Variants in DEPDC1 observed in about 807,000 individuals in gnomAD.
DEPDC1 encodes DEP domain containing 1, also known as DEP domain-containing protein 1A.
Under a neutral mutation model 86.8 loss-of-function variants are expected in DEPDC1, and 66 were observed. That is an observed-to-expected ratio of 0.76 (90% CI 0.62 to 0.93). The LOEUF (loss-of-function observed/expected upper bound fraction) is 0.93, where lower values mean the gene tolerates loss of function less well. Among genes scored for constraint, DEPDC1 ranks in the 40% least tolerant of loss-of-function variants. The pLI is 0.00. For synonymous variants in DEPDC1, 255 were observed against 314.9 expected (o/e 0.81, Z 2.02); for missense variants, 792 against 935.7 (o/e 0.85, Z 2.00).
intron 11 of DEPDC1, 43 bp downstream of exon 11, chr1:68,477,744 T>C: frequency 7.9e-7 from 1 of 1,258,544 alleles, no homozygotes; most frequent in Non-Finnish European, 1.1e-6. Flanking sequence ...GAACAGCACA[T>C]TAGAAAATGT....
intron 1 of DEPDC1, 88 bp from the exon 2 acceptor site, chr1:68,494,783 T>C (rs780026657): frequency 3.9e-6 from 4 of 1,031,706 alleles, no homozygotes; most frequent in Non-Finnish European, 5.6e-6. Flanking sequence ...AGAAAATTCT[T>C]TAATTCACAT....
chr1:68,479,231 TAAGA>T lies in DEPDC1; in HGVS notation c.2021_2024del (p.Phe674Ter), dbSNP rs1425637913. ...GAAGAATTTCCTGATGATGATCCAT[TAAGA>T]AAGAAACTAATCTTCCAGCAAGAAG... On this transcript the variant is annotated frameshift_variant, in exon 10 of 12. Transcript: ENST00000456315. LOFTEE classifies it high-confidence loss of function. 3 of 1,612,554 alleles carry T rather than the reference TAAGA, an allele frequency of 1.9e-6. No homozygotes were observed. Among genetic ancestry groups the T allele is most frequent in the African/African-American group, 1.3e-5 (1 of 74,910 alleles).
chr1:68,482,310 C>A lies in DEPDC1; in HGVS notation c.1498G>T (p.Gly500Trp), dbSNP rs765176160. The part of the protein sequence containing the change: ...TVQDQEELCN[G>W]KCKSKQLCRS... ...CAAAGCTGTTTTGACTTGCATTTCC[C>A]ATTACACAACTCCTCTTGGTCTTGA... is the stretch of plus-strand genomic sequence containing the variant. The change falls in exon 8 of 12, where the codon GGG (glycine) becomes TGG (tryptophan). Residue 500 changes from glycine to tryptophan, a missense_variant. Coordinates refer to ENST00000456315, the MANE Select transcript of DEPDC1 (RefSeq NM_001114120.3). The A allele has an allele frequency of 6.2e-7, 1 of 1,612,750 alleles. No homozygotes were observed. Among genetic ancestry groups the A allele is most frequent in the Non-Finnish European group, 8.5e-7 (1 of 1,179,294 alleles).
In DEPDC1 at chr1:68,494,497, G is replaced by T. The variant is rs960930895; in HGVS notation, c.247C>A (p.His83Asn). 6.2e-7 allele frequency: 1 copy of T among 1,613,508 alleles called. No individual in the cohort carries two copies. Among genetic ancestry groups the T allele is most frequent in the Non-Finnish European group, 8.5e-7 (1 of 1,179,714 alleles). Reference sequence around the variant, plus strand: ...CTCCCTTTGATATCTTCAATTACATGATTCTTAAGAAATTTCCTCAACAGT... The same window carrying T: ...CTCCCTTTGATATCTTCAATTACATTATTCTTAAGAAATTTCCTCAACAGT... ...IQLLRKFLKN[H>N]VIEDIKGRWG... Residue 83 changes from histidine (H) to asparagine (N), a missense_variant, in exon 2 of 12, where the codon CAT becomes AAT. Physicochemically the swap from His to Asn is moderately conservative, Grantham distance 68. Coordinates refer to ENST00000456315, the MANE Select transcript of DEPDC1 (RefSeq NM_001114120.3).
At chr1:68,491,520 G>T (rs1225686187) in intron 2 of DEPDC1, among the ~76,000 whole-genome samples, 1 of 152,146 alleles carries the variant, frequency 6.6e-6, no homozygotes, top group Non-Finnish European at 1.5e-5. Context: ...AATAACAGGT[G>T]CTGGCAAGGT....
intron 6 of DEPDC1, among the ~76,000 whole-genome samples, chr1:68,486,142 C>G (rs1026379260): frequency 6.6e-6 from 1 of 151,958 alleles, no homozygotes; most frequent in Admixed American, 6.6e-5. Context: ...CTGTCCTCAC[C>G]CAAATCTCAT....
In DEPDC1 at chr1:68,488,389, G is replaced by A. The variant is rs1393192147; in HGVS notation, c.706C>T (p.Leu236=). The change falls in exon 5 of 12, where the codon CTA becomes TTA. Residue 236 remains leucine (L), a synonymous_variant. Coordinates refer to ENST00000456315, the MANE Select transcript of DEPDC1 (RefSeq NM_001114120.3). ...TAATACCAACCTGATTTGTTTTGTA[G>A]TATAACTACTCCACGTTTACTTGTA... ...ANTSKRGVVI[L]QNKSDDLPHW... 4 of 1,587,388 alleles carry A rather than the reference G, an allele frequency of 2.5e-6. No individual in the cohort carries two copies. The South Asian group carries it at 3.5e-5, about 14-fold the overall frequency.
intron 10 of DEPDC1, among the ~76,000 whole-genome samples, chr1:68,478,449 T>C (rs970515547): frequency 1.0e-4 from 10 of 95,288 alleles, no homozygotes; most frequent in Non-Finnish European, 1.9e-4. Context: ...TTCATGTATT[T>C]TTTTTTTTTT....
chr1:68,488,478 G>A lies in DEPDC1; in HGVS notation c.617C>T (p.Ser206Phe). The A allele has an allele frequency of 6.2e-7, 1 of 1,605,122 alleles. No homozygotes were observed. Among genetic ancestry groups the A allele is most frequent in the African/African-American group, 1.3e-5 (1 of 74,582 alleles). Residue 206 changes from serine to phenylalanine, a missense_variant, in exon 5 of 12, where the codon TCC (serine) becomes TTC (phenylalanine). Ser to Phe is a radical substitution (Grantham distance 155, BLOSUM62 -2). Coordinates refer to ENST00000456315, the MANE Select transcript of DEPDC1 (RefSeq NM_001114120.3). ...IYLQTILGVP[S>F]LEEVINPKQV... ...TTTTGGATTTATGACTTCTTCTAGG[G>A]ATGGCACACCTAAAATGGTTTGCAG...
chr1:68,479,184 G>A lies in DEPDC1; in HGVS notation c.2072C>T (p.Thr691Ile), dbSNP rs767988202. The part of the protein sequence containing the change: ...EILQVPSYLQ[T>I]AVEKHLDYLK... ...GTAGTCAAGATGTTTTTCCACTGCA[G>A]TCTGTAAGTAAGAGGGTACTTGAAG... Residue 691 changes from threonine to isoleucine, a missense_variant, in exon 10 of 12, where the codon ACT becomes ATT. Physicochemically the swap from Thr to Ile is moderately conservative, Grantham distance 89. Coordinates refer to ENST00000456315, the MANE Select transcript of DEPDC1 (RefSeq NM_001114120.3). The A allele has an allele frequency of 8.1e-6, 13 of 1,611,006 alleles. No individual in the cohort carries two copies. Among genetic ancestry groups the A allele is most frequent in the African/African-American group, 2.7e-5 (2 of 74,698 alleles).
At chr1:68,493,114 A>G (rs1332189616) in intron 2 of DEPDC1, among the ~76,000 whole-genome samples, 1 of 152,144 alleles carries the variant, frequency 6.6e-6, no homozygotes, top group Non-Finnish European at 1.5e-5. Flanking sequence ...AAGATGGGAG[A>G]GTTAAAGGAT....
At chr1:68,483,815 A>G (rs765043790) in intron 7 of DEPDC1, 135 bp downstream of exon 7, 2 of 605,694 alleles carry the variant, frequency 3.3e-6, no homozygotes, top group Non-Finnish European at 5.2e-6. Flanking sequence ...TAACCTCGGA[A>G]CCTTATTTCA....
intron 6 of DEPDC1, 100 bp from the exon 7 acceptor site, chr1:68,484,190 A>G: frequency 1.1e-6 from 1 of 894,726 alleles, no homozygotes. Flanking sequence ...TGAAGGAGCT[A>G]GGTTTAACAA....
rs547624559 is a variant in DEPDC1, at chr1:68,477,617, CAT to C, written c.2298+168_2298+169del. On this transcript the variant is annotated intron_variant, in intron 11 of 11. Transcript: ENST00000456315. The stretch of plus-strand genomic sequence containing the variant: ...AAGAGCAAAATCAGGTAGGTACTCA[CAT>C]GTTTTAGGTTAACGCACATATACAA... 1.6e-3 allele frequency among the ~76,000 whole-genome samples: 237 copies of C among 151,890 alleles called. 4 individuals are homozygous for C. The highest frequency in any genetic ancestry group is 0.013 in the Admixed American group (202 of 15,210).
At position 68,477,072 on chromosome 1, in the gene DEPDC1, TA is replaced by T; in HGVS notation, c.2299-4del. The T allele has an allele frequency of 6.3e-7, 1 of 1,592,468 alleles. No homozygotes were observed. Among genetic ancestry groups the T allele is most frequent in the Non-Finnish European group, 8.6e-7 (1 of 1,169,144 alleles). ...ATCAAAGGATATTCCTTCTGAAACT[TA>T]AAAATGAGGTGAGAAATTAGAAGGT... On this transcript the variant is annotated splice_polypyrimidine_tract_variant and splice_region_variant and intron_variant, in intron 11 of 11. Transcript: ENST00000456315.
intron 2 of DEPDC1, 120 bp downstream of exon 2, chr1:68,494,310 A>T: frequency 2.2e-6 from 2 of 928,448 alleles, no homozygotes; most frequent in Non-Finnish European, 3.1e-6. Flanking sequence ...TAACAGCATT[A>T]ATAGTTTTCC....
At chr1:68,487,249 C>A (rs111900050) in intron 5 of DEPDC1, among the ~76,000 whole-genome samples, 2 of 152,010 alleles carry the variant, frequency 1.3e-5, no homozygotes, top group African/African-American at 4.8e-5. Flanking sequence ...TTAAATACTG[C>A]CAAATTGAGG....
rs1646160865 is a variant in DEPDC1, at chr1:68,482,167, T to C, written c.1641A>G (p.Thr547=). 6.2e-7 allele frequency: 1 copy of C among 1,612,904 alleles called. No individual in the cohort carries two copies. The highest frequency in any genetic ancestry group is 1.3e-5 in the African/African-American group (1 of 74,862). ...NVGQGSTSVQ[T]AMESELGESS... ...ACTCTCCGAGTTCACTTTCCATAGC[T>C]GTTTGCACACTTGTGCTGCCTTGTC... The change falls in exon 8 of 12, where the codon ACA becomes ACG. Residue 547 remains threonine, a synonymous_variant. Transcript: ENST00000456315.
intron 7 of DEPDC1, 49 bp from the exon 8 acceptor site, chr1:68,482,946 CA>C: frequency 6.6e-7 from 1 of 1,509,794 alleles, no homozygotes; most frequent in Non-Finnish European, 8.8e-7. Context: ...TGACAGTGGA[CA>C]AAAATAAAAC....
Sources: gnomAD v4.1 joint callset for allele counts (sites outside exome capture counted in the v4.1 genomes callset) on GRCh38, gnomAD v4.1.1 for gene constraint, MANE v1.5 for transcripts, NCBI Gene and HGNC (gene_info 2026-07-23, HGNC 2026-07-21) for gene names.